Variants in PATJ observed in about 807,000 individuals in gnomAD.
PATJ encodes PATJ crumbs cell polarity complex component.
A neutral mutation model predicts 224.9 loss-of-function variants in PATJ; 190 were observed. That is an observed-to-expected ratio of 0.84 (90% CI 0.75 to 0.95). The LOEUF (loss-of-function observed/expected upper bound fraction) is 0.95. Among genes scored for constraint, PATJ ranks in the 40% least tolerant of loss-of-function variants. The pLI is 0.00. For synonymous variants in PATJ, 769 were observed against 820.3 expected (o/e 0.94, Z 1.07); for missense variants, 2,121 against 2,270.3 (o/e 0.93, Z 1.34).
At chr1:62,137,808 G>A (rs569359772) in intron 41 of PATJ, among the ~76,000 whole-genome samples, 178 of 152,074 alleles carry the variant, frequency 1.2e-3, no homozygotes, top group Non-Finnish European at 2.3e-3. Context: ...TCCTCTGGTG[G>A]GAGGATTTCT....
intron 28 of PATJ, among the ~76,000 whole-genome samples, chr1:62,017,017 G>T (rs1209812546): frequency 1.3e-5 from 2 of 152,184 alleles, no homozygotes; most frequent in Non-Finnish European, 2.9e-5. Flanking sequence ...AAAGGATAAA[G>T]GACTGTATGT....
At chr1:62,110,978 T>A (rs1048357351) in intron 34 of PATJ, among the ~76,000 whole-genome samples, 1 of 152,214 alleles carries the variant, frequency 6.6e-6, no homozygotes, top group Non-Finnish European at 1.5e-5. Context: ...AGCCACGCCA[T>A]GATATTTCTC....
intron 26 of PATJ, among the ~76,000 whole-genome samples, chr1:61,915,056 G>A (rs1413623893): frequency 6.6e-6 from 1 of 152,148 alleles, no homozygotes; most frequent in East Asian, 1.9e-4. Context: ...CCACATCAAA[G>A]GTCATCTCTC....
chr1:61,800,922 T>C (rs1216605576), intron 11 of PATJ, among the ~76,000 whole-genome samples: 2 of 152,246 alleles, frequency 1.3e-5, no homozygotes, highest in Non-Finnish European at 2.9e-5. Flanking sequence ...ATCCTTCTTA[T>C]GGCTGCGTAG....
intron 15 of PATJ, among the ~76,000 whole-genome samples, chr1:61,824,233 C>CT (rs11300876): frequency 7.8e-5 from 11 of 141,664 alleles, no homozygotes; most frequent in Admixed American, 1.4e-4. Context: ...ATTTAATTCA[C>CT]TTTTTTTTTT....
intron 27 of PATJ, among the ~76,000 whole-genome samples, chr1:61,932,728 C>T (rs1571356328): frequency 2.6e-5 from 4 of 151,952 alleles, no homozygotes; most frequent in South Asian, 2.1e-4. Flanking sequence ...GGTGAAACCC[C>T]GTCTCTACTA....
At chr1:62,112,510 G>T (rs1663962448) in intron 34 of PATJ, among the ~76,000 whole-genome samples, 1 of 151,588 alleles carries the variant, frequency 6.6e-6, no homozygotes, top group African/African-American at 2.4e-5. Context: ...CATCTCAAAA[G>T]AAAAAAAGAA....
chr1:61,926,367 A>C (rs1675208786), intron 26 of PATJ, among the ~76,000 whole-genome samples: 1 of 152,132 alleles, frequency 6.6e-6, no homozygotes, highest in South Asian at 2.1e-4. Flanking sequence ...TAAATAAATA[A>C]ATCAGTGGTA....
At chr1:62,127,548 G>A (rs143671868) in intron 39 of PATJ, among the ~76,000 whole-genome samples, 304 of 152,140 alleles carry the variant, frequency 2.0e-3, no homozygotes, top group African/African-American at 7.0e-3. Context: ...GTTCACGTCT[G>A]TAATCCCAGC....
At chr1:61,871,942 G>C (rs1228939555) in intron 20 of PATJ, among the ~76,000 whole-genome samples, 1 of 149,496 alleles carries the variant, frequency 6.7e-6, no homozygotes, top group East Asian at 2.0e-4. Context: ...CTGACCTCAA[G>C]TGGTCCACCC....
chr1:61,994,221 A>T (rs1450805756), intron 28 of PATJ, among the ~76,000 whole-genome samples: 1 of 152,224 alleles, frequency 6.6e-6, no homozygotes, highest in African/African-American at 2.4e-5. Flanking sequence ...GTGCTGTATG[A>T]ACAAAGTGTA....
At chr1:61,804,643 A>G (rs140904553) in intron 12 of PATJ, among the ~76,000 whole-genome samples, 46 of 152,320 alleles carry the variant, frequency 3.0e-4, no homozygotes, top group African/African-American at 1.0e-3. Context: ...TGCTATGGGT[A>G]TAAGGTATAA....
chr1:61,768,057 G>T (rs912328525), intron 4 of PATJ, among the ~76,000 whole-genome samples: 4 of 152,026 alleles, frequency 2.6e-5, no homozygotes, highest in African/African-American at 7.2e-5. Flanking sequence ...CATAAGTGCA[G>T]TTACTAACTA....
At chr1:62,106,158 G>GTGTGTGTGTGTATA (rs1356937495) in intron 33 of PATJ, among the ~76,000 whole-genome samples, 1 of 48,066 alleles carries the variant, frequency 2.1e-5, no homozygotes, top group Non-Finnish European at 4.4e-5. Context: ...GTGTGTGTGT[G>GTGTGTGTGTGTATA]TATATATATA....
At chr1:61,952,415 A>G (rs1679849807) in intron 27 of PATJ, 1 of 717,296 alleles carries the variant, frequency 1.4e-6, no homozygotes, top group South Asian at 1.5e-5. Flanking sequence ...TTCCCAGGTA[A>G]GATTTCTGTT....
chr1:61,875,365 A>G lies in PATJ; in HGVS notation c.2958A>G (p.Leu986=). ...LNSLAKTSLD[L]GMIPNDVQGP... ...CATTAGCAAAAACTAGTCTGGATTT[A>G]GGTTTGTGACTTTTGTTTCTCATAA... Residue 986 remains leucine, a splice_region_variant and synonymous_variant, in exon 21 of 44, where the codon TTA becomes TTG. Transcript: ENST00000642238. 1 of 1,601,084 alleles carries G rather than the reference A, an allele frequency of 6.2e-7. No homozygotes were observed. Among genetic ancestry groups the G allele is most frequent in the Non-Finnish European group, 8.5e-7 (1 of 1,175,894 alleles).
At chr1:62,034,176 C>A (rs1302021687) in intron 29 of PATJ, among the ~76,000 whole-genome samples, 1 of 152,174 alleles carries the variant, frequency 6.6e-6, no homozygotes, top group Non-Finnish European at 1.5e-5. Context: ...GGCTTGATGG[C>A]TCACACCTGT....
Position 61,833,801 on chromosome 1 carries a change from T to C in PATJ, c.2112+16T>C. 6.2e-7 allele frequency: 1 copy of C among 1,606,246 alleles called. No individual in the cohort carries two copies. Among genetic ancestry groups the C allele is most frequent in the Non-Finnish European group, 8.5e-7 (1 of 1,176,944 alleles). ...GGATTACCAGGTATAAGAACCTGTG[T>C]AGAGGTGTTTTCTTTGGAGTGATTG... On this transcript the variant is annotated intron_variant, in intron 17 of 43. Coordinates refer to ENST00000642238, the MANE Select transcript of PATJ (RefSeq NM_001350145.3).
chr1:61,999,440 G>A (rs1645612310), intron 28 of PATJ, among the ~76,000 whole-genome samples: 1 of 152,048 alleles, frequency 6.6e-6, no homozygotes, highest in South Asian at 2.1e-4. Context: ...GGCTGAGGTG[G>A]GCAGATCACC....
Sources: gnomAD v4.1 joint callset for allele counts (sites outside exome capture counted in the v4.1 genomes callset) on GRCh38, gnomAD v4.1.1 for gene constraint, MANE v1.5 for transcripts, NCBI Gene and HGNC (gene_info 2026-07-23, HGNC 2026-07-21) for gene names.